CCSER1: variants seen among roughly 807,000 people sequenced by gnomAD.
CCSER1 encodes coiled-coil serine rich protein 1.
A neutral mutation model predicts 82.0 loss-of-function variants in CCSER1; 41 were observed. The observed-to-expected ratio is 0.50, with a 90% confidence interval of 0.39 to 0.65. The LOEUF is 0.65. CCSER1 is among the 30% of genes least tolerant of loss of function. CCSER1 has a pLI of 0.00. For missense variants in CCSER1, 1,119 were observed against 1,064.2 expected (o/e 1.05, Z -0.72); for synonymous variants, 414 against 383.9 (o/e 1.08, Z -0.92).
At chr4:90,964,674 G>A (rs1002453288) in intron 9 of CCSER1, among the ~76,000 whole-genome samples, 6 of 135,388 alleles carry the variant, frequency 4.4e-5, no homozygotes, top group Admixed American at 2.5e-4. Context: ...GCAGTGATCC[G>A]AGATTGTGCC....
intron 10 of CCSER1, among the ~76,000 whole-genome samples, chr4:91,176,209 C>A (rs1169237303): frequency 6.6e-6 from 1 of 150,682 alleles, no homozygotes; most frequent in Non-Finnish European, 1.5e-5. Context: ...CCAGTACCTG[C>A]TGTTTTGGTT....
At chr4:90,305,205 C>T (rs932357809) in intron 1 of CCSER1, among the ~76,000 whole-genome samples, 11 of 152,096 alleles carry the variant, frequency 7.2e-5, no homozygotes, top group South Asian at 2.1e-4. Flanking sequence ...CGTGAGCCAC[C>T]GCGCCCGGCC....
In CCSER1 at chr4:91,432,758, G is replaced by A. The variant is rs376856863; in HGVS notation, c.2218-165814G>A. On this transcript the variant is annotated intron_variant, in intron 10 of 10. Coordinates refer to ENST00000509176, the MANE Select transcript of CCSER1 (RefSeq NM_001145065.2). ...TGATTTTTAGGAGGTTTATACATTAGGGAAATTAGCTCTTTGTAGTAATAG... is the reference window on the plus strand; with the variant it reads ...TGATTTTTAGGAGGTTTATACATTAAGGAAATTAGCTCTTTGTAGTAATAG... Among the ~76,000 whole-genome samples the A allele has an allele frequency of 3.4e-4, 52 of 152,140 alleles. 1 individual carries two copies. In the South Asian group the frequency reaches 0.01, roughly 30 times the overall value.
Position 91,024,204 on chromosome 4 carries a change from TAA to T in CCSER1, c.2173-61745_2173-61744del, listed in dbSNP as rs531300413. The stretch of plus-strand genomic sequence containing the variant: ...CTCTCAATACTGCTACATTAGAGAT[TAA>T]GTTTCAACATGAGTTTTCAAGGGGA... On this transcript the variant is annotated intron_variant, in intron 9 of 10. Coordinates refer to ENST00000509176, the MANE Select transcript of CCSER1 (RefSeq NM_001145065.2). Among the ~76,000 whole-genome samples the T allele has an allele frequency of 1.1e-3, 174 of 152,288 alleles. 2 individuals are homozygous for T. Among genetic ancestry groups the T allele is most frequent in the African/African-American group, 4.1e-3 (169 of 41,560 alleles).
intron 1 of CCSER1, among the ~76,000 whole-genome samples, chr4:90,258,980 A>G (rs1723840130): frequency 6.6e-6 from 1 of 152,088 alleles, no homozygotes; most frequent in Admixed American, 6.6e-5. Context: ...TTTTGGTTCC[A>G]TATGAATTTT....
intron 10 of CCSER1, among the ~76,000 whole-genome samples, chr4:91,425,532 T>TGTGTTGCTA (rs1753918090): frequency 6.6e-6 from 1 of 152,148 alleles, no homozygotes. Context: ...AAGTAATAAA[T>TGTGTTGCTA]GTGTTGCTAT....
intron 6 of CCSER1, among the ~76,000 whole-genome samples, chr4:90,671,045 A>G (rs1422717040): frequency 1.3e-5 from 2 of 152,106 alleles, no homozygotes; most frequent in Admixed American, 1.3e-4. Context: ...CTAAGAAACC[A>G]TGTACATATC....
intron 10 of CCSER1, among the ~76,000 whole-genome samples, chr4:91,517,457 A>C (rs186420401): frequency 6.6e-6 from 1 of 152,094 alleles, no homozygotes; most frequent in East Asian, 1.9e-4. Flanking sequence ...AATCATGTGT[A>C]TTTTGTCTTT....
rs529767135 is a variant in CCSER1, at chr4:91,246,363, C to T, written c.2217+160369C>T. 4.2e-4 allele frequency among the ~76,000 whole-genome samples: 64 copies of T among 152,030 alleles called. No individual in the cohort carries two copies. In the South Asian group the frequency reaches 0.013, roughly 31 times the overall value. ...TTTTAGCCTCAAATTGAGAAACGTA[C>T]AACAGATACACAAAAAATTAAAAAG... is the stretch of plus-strand genomic sequence containing the variant. On this transcript the variant is annotated intron_variant, in intron 10 of 10. Transcript: ENST00000509176.
chr4:90,172,635 T>G (rs1731923938), intron 1 of CCSER1, among the ~76,000 whole-genome samples: 1 of 151,852 alleles, frequency 6.6e-6, no homozygotes. Context: ...TTTCCCAAGA[T>G]TTTACAACTA....
chr4:90,154,103 C>T (rs1273552380), intron 1 of CCSER1, among the ~76,000 whole-genome samples: 1 of 152,124 alleles, frequency 6.6e-6, no homozygotes, highest in Non-Finnish European at 1.5e-5. Flanking sequence ...TATGGCTAGC[C>T]AGTTTTCCTA....
intron 3 of CCSER1, among the ~76,000 whole-genome samples, chr4:90,390,834 C>T (rs754758908): frequency 6.6e-6 from 1 of 152,088 alleles, no homozygotes; most frequent in African/African-American, 2.4e-5. Context: ...GTGGTAATTT[C>T]GTTTTAAGTT....
intron 3 of CCSER1, among the ~76,000 whole-genome samples, chr4:90,314,499 C>G (rs1292966423): frequency 2.0e-5 from 3 of 151,696 alleles, no homozygotes; most frequent in Non-Finnish European, 1.5e-5. Context: ...TTTACATATT[C>G]TCTCATATCT....
chr4:90,734,695 GT>G (rs1275582768), intron 7 of CCSER1, among the ~76,000 whole-genome samples: 58 of 152,154 alleles, frequency 3.8e-4, no homozygotes, highest in African/African-American at 1.4e-3. Flanking sequence ...TACTGAATTT[GT>G]TTTTCAATTC....
At chr4:90,723,766 G>A (rs1318294741) in intron 6 of CCSER1, 148 bp from the exon 7 acceptor site, 2 of 404,688 alleles carry the variant, frequency 4.9e-6, no homozygotes, top group East Asian at 3.7e-5. Context: ...ATATAATTAT[G>A]ATTAAATCTA....
chr4:91,600,818 G>A lies in CCSER1; in HGVS notation c.*1761G>A, dbSNP rs943495727. 3 of 151,990 alleles carry A rather than the reference G, an allele frequency of 2.0e-5. No individual in the cohort carries two copies. The highest frequency in any genetic ancestry group is 4.4e-5 in the Non-Finnish European group (3 of 67,980). 9.4% of individuals were successfully genotyped at this position (151,990 alleles called of 1,614,324 possible). On this transcript the variant is annotated 3_prime_UTR_variant, in exon 11 of 11. Coordinates refer to ENST00000509176, the MANE Select transcript of CCSER1 (RefSeq NM_001145065.2). The stretch of plus-strand genomic sequence containing the variant: ...TTTGCCAAATGTTTTCTTTCTTTGC[G>A]TGTTTGTAATTCTGCCAAAAGAGAA...
At chr4:90,640,672 A>G (rs1726334296) in intron 6 of CCSER1, among the ~76,000 whole-genome samples, 1 of 152,088 alleles carries the variant, frequency 6.6e-6, no homozygotes, top group Admixed American at 6.6e-5. Context: ...AATCATGGGG[A>G]TGATTTCTCC....
intron 10 of CCSER1, among the ~76,000 whole-genome samples, chr4:91,187,164 G>T (rs893690857): frequency 2.6e-5 from 4 of 152,190 alleles, no homozygotes; most frequent in African/African-American, 9.7e-5. Context: ...TGCACCCACT[G>T]TCTGACAAGC....
intron 4 of CCSER1, among the ~76,000 whole-genome samples, chr4:90,453,219 A>G (rs1435120474): frequency 2.0e-5 from 3 of 152,130 alleles, no homozygotes; most frequent in Non-Finnish European, 4.4e-5. Flanking sequence ...GGAAAAAGGA[A>G]TCTTTTAGAT....
Sources: allele counts gnomAD v4.1 joint callset (sites outside exome capture counted in the v4.1 genomes callset), GRCh38; gene constraint gnomAD v4.1.1; transcripts MANE v1.5; gene names NCBI Gene and HGNC (gene_info 2026-07-23, HGNC 2026-07-21).